The following L3MBTL4 variants were observed in gnomAD, a reference collection of about 807,000 sequenced individuals.
L3MBTL4 encodes L3MBTL histone methyl-lysine binding protein 4, also known as lethal(3)malignant brain tumor-like protein 4.
Under a neutral mutation model 84.5 loss-of-function variants are expected in L3MBTL4, and 70 were observed. That is an observed-to-expected ratio of 0.83 (90% CI 0.68 to 1.01). The LOEUF (loss-of-function observed/expected upper bound fraction) is 1.01. Ranked by LOEUF, L3MBTL4 falls within the 50% of genes least tolerant of loss-of-function variation. The pLI, the probability that L3MBTL4 is intolerant of heterozygous loss-of-function variation, is 0.00. For synonymous variants in L3MBTL4, 274 were observed against 259.8 expected, an observed-to-expected ratio of 1.05 and a Z score of -0.52; for missense variants, 715 against 754.8, an observed-to-expected ratio of 0.95 and a Z score of 0.62.
At chr18:6,332,804 G>C (rs1045896411) in intron 1 of L3MBTL4, among the ~76,000 whole-genome samples, 1 of 152,192 alleles carries the variant, frequency 6.6e-6, no homozygotes, top group African/African-American at 2.4e-5. Flanking sequence ...TCCCTTTTCT[G>C]GTTCAGCCAT....
chr18:6,007,553 A>G (rs1400911317), intron 16 of L3MBTL4, among the ~76,000 whole-genome samples: 1 of 152,208 alleles, frequency 6.6e-6, no homozygotes, highest in Non-Finnish European at 1.5e-5. Flanking sequence ...ATTGGTTATT[A>G]AAGTAACAAA....
chr18:6,054,162 A>T (rs2145831248), intron 16 of L3MBTL4, among the ~76,000 whole-genome samples: 1 of 152,234 alleles, frequency 6.6e-6, no homozygotes, highest in African/African-American at 2.4e-5. Context: ...TGTAGATCTT[A>T]GTATGCGAAA....
At chr18:6,215,152 T>C (rs1453468051) in intron 11 of L3MBTL4, among the ~76,000 whole-genome samples, 1 of 152,108 alleles carries the variant, frequency 6.6e-6, no homozygotes, top group Non-Finnish European at 1.5e-5. Context: ...CACAGAGAAC[T>C]GAAAGGGAAT....
chr18:6,059,105 C>G (rs2057121753), intron 16 of L3MBTL4, among the ~76,000 whole-genome samples: 1 of 152,190 alleles, frequency 6.6e-6, no homozygotes, highest in Admixed American at 6.5e-5. Flanking sequence ...GATTACGCAT[C>G]TAGTCTGGAG....
intron 17 of L3MBTL4, among the ~76,000 whole-genome samples, chr18:5,964,410 G>A (rs533874427): frequency 2.0e-5 from 3 of 152,114 alleles, no homozygotes; most frequent in Non-Finnish European, 2.9e-5. Context: ...TCTCTATCTC[G>A]CTGAGCCTGT....
At chr18:6,194,352 A>G (rs987567780) in intron 12 of L3MBTL4, among the ~76,000 whole-genome samples, 34 of 152,348 alleles carry the variant, frequency 2.2e-4, no homozygotes, top group African/African-American at 7.9e-4. Flanking sequence ...CGCCTCTGTA[A>G]ACCGGCCTGA....
chr18:6,315,544 A>G (rs2729738), intron 1 of L3MBTL4, among the ~76,000 whole-genome samples: 6,534 of 152,328 alleles, frequency 0.043, 166 homozygotes, highest in Middle Eastern at 0.072. Flanking sequence ...AGGAAACACC[A>G]AGGGGTTAAG....
intron 3 of L3MBTL4, among the ~76,000 whole-genome samples, chr18:6,304,281 G>A (rs1244965021): frequency 1.3e-5 from 2 of 152,228 alleles, no homozygotes; most frequent in South Asian, 2.1e-4. Flanking sequence ...ACATAGTCTG[G>A]TATCTAGTCT....
intron 13 of L3MBTL4, among the ~76,000 whole-genome samples, chr18:6,162,695 G>T (rs894386251): frequency 6.6e-6 from 1 of 152,166 alleles, no homozygotes; most frequent in African/African-American, 2.4e-5. Context: ...CAGTAAAAGG[G>T]TGGTACATGT....
chr18:6,392,179 G>A (rs1445298613), intron 1 of L3MBTL4, among the ~76,000 whole-genome samples: 2 of 152,116 alleles, frequency 1.3e-5, no homozygotes, highest in Non-Finnish European at 1.5e-5. Flanking sequence ...ACATAATAGA[G>A]AGCCCAGAAA....
At chr18:6,102,414 G>A (rs1429818866) in intron 14 of L3MBTL4, among the ~76,000 whole-genome samples, 1 of 152,102 alleles carries the variant, frequency 6.6e-6, no homozygotes, top group African/African-American at 2.4e-5. Flanking sequence ...TCTCTTTCCA[G>A]TCCCCCTATT....
At chr18:6,076,140 T>C (rs748962586) in intron 16 of L3MBTL4, among the ~76,000 whole-genome samples, 1 of 152,218 alleles carries the variant, frequency 6.6e-6, no homozygotes, top group East Asian at 1.9e-4. Flanking sequence ...CACTCATAGA[T>C]ATTTATCCTA....
rs536168905 is a variant in L3MBTL4 at position 6,127,862 on chromosome 18, C to T, written c.1199+10332G>A. On this transcript the variant is annotated intron_variant, in intron 14 of 18. Transcript: ENST00000317931. The stretch of plus-strand genomic sequence containing the variant: ...CCTGCCAGCCACCCTCCCAGAAGTT[C>T]ACCATTGATGGGCTCCAGCAGTGCA... Among the ~76,000 whole-genome samples the T allele has an allele frequency of 2.6e-4, 40 of 152,240 alleles. No homozygotes were observed. The South Asian group carries it at 8.1e-3, about 31-fold the overall frequency.
chr18:5,987,145 T>C (rs1187631774), intron 16 of L3MBTL4, among the ~76,000 whole-genome samples: 1 of 152,192 alleles, frequency 6.6e-6, no homozygotes, highest in Non-Finnish European at 1.5e-5. Context: ...GCCTCATCAG[T>C]GCTTGTAGGA....
intron 16 of L3MBTL4, among the ~76,000 whole-genome samples, chr18:5,994,501 C>T (rs993181695): frequency 7.2e-5 from 11 of 152,258 alleles, no homozygotes; most frequent in South Asian, 4.1e-4. Flanking sequence ...AGCCCCATTA[C>T]GAGGGAAGCA....
At chr18:6,185,969 A>ATGT (rs2044719921) in intron 12 of L3MBTL4, among the ~76,000 whole-genome samples, 2 of 139,800 alleles carry the variant, frequency 1.4e-5, no homozygotes, top group African/African-American at 5.7e-5. Context: ...TCTTTATTTT[A>ATGT]TTTTATTTTA....
At chr18:6,315,083 G>A (rs749630293) in intron 1 of L3MBTL4, among the ~76,000 whole-genome samples, 3 of 152,144 alleles carry the variant, frequency 2.0e-5, no homozygotes, top group Non-Finnish European at 4.4e-5. Flanking sequence ...TGTAATACAT[G>A]CCATTAAAAA....
chr18:6,323,333 C>T (rs11664058), intron 1 of L3MBTL4, among the ~76,000 whole-genome samples: 30,575 of 152,034 alleles, frequency 0.2, 3,953 homozygotes, highest in African/African-American at 0.37. Flanking sequence ...CAGGCAGAGG[C>T]TGGAAGAGTC....
In L3MBTL4 at chr18:6,076,716, A is replaced by G. The variant is rs182998130; in HGVS notation, c.1444+4165T>C. ...TTATTATATCCAAAATAAATCCATT[A>G]AGGATTTATCAACAATGCTTATCTC... On this transcript the variant is annotated intron_variant, in intron 16 of 18. Coordinates refer to ENST00000317931, the MANE Select transcript of L3MBTL4 (RefSeq NM_001330559.2). 2.4e-4 allele frequency among the ~76,000 whole-genome samples: 36 copies of G among 152,348 alleles called. 1 individual carries two copies. The East Asian group carries it at 6.6e-3, about 28-fold the overall frequency.
Sources: gnomAD v4.1 joint callset for allele counts (sites outside exome capture counted in the v4.1 genomes callset) on GRCh38, gnomAD v4.1.1 for gene constraint, MANE v1.5 for transcripts, NCBI Gene and HGNC (gene_info 2026-07-23, HGNC 2026-07-21) for gene names.